The following MKRN2OS variants were observed in gnomAD, a reference collection of about 807,000 sequenced individuals.
MKRN2OS encodes MKRN2 opposite strand protein.
MKRN2OS carries 17 observed loss-of-function variants against 18.2 expected under a neutral mutation model. That is an observed-to-expected ratio of 0.93 (90% CI 0.64 to 1.40). The LOEUF is 1.40. Among genes scored for constraint, MKRN2OS ranks in the 40% most tolerant of loss-of-function variants. The pLI is 0.00. For synonymous variants in MKRN2OS, 121 were observed against 108.5 expected (o/e 1.12, Z -0.72); for missense variants, 337 against 283.0 (o/e 1.19, Z -1.37).
At chr3:12,540,567 A>G (rs548548452) in intron 3 of MKRN2OS, 134 bp from the exon 4 acceptor site, 416 of 1,021,362 alleles carry the variant, frequency 4.1e-4, no homozygotes, top group Non-Finnish European at 4.8e-4. Flanking sequence ...TTATGTGGTT[A>G]AGAAGCTTCA....
At chr3:12,543,623 C>T (rs534247475) in intron 1 of MKRN2OS, among the ~76,000 whole-genome samples, 56 of 149,192 alleles carry the variant, frequency 3.8e-4, no homozygotes, top group Non-Finnish European at 7.0e-4. Flanking sequence ...CAGTGGCTCA[C>T]GCCTGTAATC....
chr3:12,554,198 G>T (rs1002569245), intron 1 of MKRN2OS: 1 of 152,208 alleles, frequency 6.6e-6, no homozygotes, highest in Non-Finnish European at 1.5e-5. Flanking sequence ...CCCCTGCTAC[G>T]GGCAGGAGCG....
At chr3:12,543,062 C>T (rs2057837305) in intron 2 of MKRN2OS, 118 bp downstream of exon 2, 1 of 827,472 alleles carries the variant, frequency 1.2e-6, no homozygotes, top group Admixed American at 2.5e-5. Flanking sequence ...TGGTGCAGTA[C>T]AAGAACCCAG....
chr3:12,549,971 A>G (rs1406561177), upstream of MKRN2OS, among the ~76,000 whole-genome samples: 1 of 152,242 alleles, frequency 6.6e-6, no homozygotes, highest in Middle Eastern at 3.2e-3. Flanking sequence ...GATGTGGAGC[A>G]ACAGGAACTC....
chr3:12,551,829 A>G (rs557538571), downstream of MKRN2OS, among the ~76,000 whole-genome samples: 11 of 152,158 alleles, frequency 7.2e-5, no homozygotes, highest in Non-Finnish European at 1.5e-4. Flanking sequence ...CTGTAGTCCC[A>G]GCTATTCCAG....
At chr3:12,545,755 TC>T (rs1228625913), upstream of MKRN2OS, among the ~76,000 whole-genome samples, 2 of 152,220 alleles carry the variant, frequency 1.3e-5, no homozygotes, top group Non-Finnish European at 2.9e-5. Flanking sequence ...TTTGTCAGCT[TC>T]CCCCAGTCTT....
chr3:12,559,760 C>G (rs561956711), intron 1 of MKRN2OS, among the ~76,000 whole-genome samples: 24 of 152,188 alleles, frequency 1.6e-4, no homozygotes, highest in Non-Finnish European at 2.6e-4. Context: ...TCCCCTCCCC[C>G]ACAACCATCT....
chr3:12,560,996 A>C (rs1192198293), exon 1 of MKRN2OS: 1 of 152,234 alleles, frequency 6.6e-6, no homozygotes, highest in South Asian at 2.1e-4. Flanking sequence ...GACAAGCAGG[A>C]TGTGCTCTAG....
Position 12,557,225 on chromosome 3 carries a change from G to C in MKRN2OS, n.265-3091C>G, listed in dbSNP as rs775810165. ...TTCGGGCCGCTCCCCCAGGCCGCAG[G>C]GGGGCCGGTGCGCGCCAGTGCTGTG... On this transcript the variant is annotated intron_variant and non_coding_transcript_variant, in intron 1 of 1. Coordinates refer to the MKRN2OS transcript ENST00000447550. 36 of 1,521,678 alleles carry C rather than the reference G, an allele frequency of 2.4e-5. 1 individual carries two copies. The East Asian group carries it at 2.6e-4, about 11-fold the overall frequency. 94.3% of individuals were successfully genotyped at this position (1,521,678 alleles called of 1,614,324 possible).
chr3:12,550,724 T>G (rs544060535), downstream of MKRN2OS, among the ~76,000 whole-genome samples: 1 of 152,296 alleles, frequency 6.6e-6, no homozygotes, highest in Admixed American at 6.5e-5. Context: ...TCAGTCGAAT[T>G]CTTTCTTCTG....
chr3:12,549,753 A>G (rs1015174912), upstream of MKRN2OS, among the ~76,000 whole-genome samples: 11 of 152,228 alleles, frequency 7.2e-5, no homozygotes, highest in African/African-American at 2.6e-4. Context: ...GGGTCTTGTT[A>G]TGTTGCCCAG....
intron 3 of MKRN2OS, among the ~76,000 whole-genome samples, chr3:12,541,069 T>G (rs1311275705): frequency 6.6e-6 from 1 of 151,726 alleles, no homozygotes; most frequent in Non-Finnish European, 1.5e-5. Flanking sequence ...TTTTATGATA[T>G]TCCATAGTAT....
intron 1 of MKRN2OS, chr3:12,557,267 C>G (rs2057984016): frequency 2.0e-6 from 3 of 1,471,392 alleles, no homozygotes; most frequent in African/African-American, 1.5e-5. Flanking sequence ...GAACCTGAGG[C>G]TAGAGCGGGA....
At chr3:12,548,637 AATAC>A (rs547421971), upstream of MKRN2OS, among the ~76,000 whole-genome samples, 180 of 152,244 alleles carry the variant, frequency 1.2e-3, 2 homozygotes, top group Non-Finnish European at 1.2e-3. Flanking sequence ...GTCTCAAATA[AATAC>A]ATAAATAAAC....
downstream of MKRN2OS, among the ~76,000 whole-genome samples, chr3:12,551,932 A>ACT (rs1240716422): frequency 6.6e-6 from 1 of 151,836 alleles, no homozygotes; most frequent in Non-Finnish European, 1.5e-5. Flanking sequence ...ACAGAGTGAG[A>ACT]CTCTGTCTCA....
At chr3:12,544,066 A>G (rs1020945115) in intron 1 of MKRN2OS, among the ~76,000 whole-genome samples, 2 of 152,136 alleles carry the variant, frequency 1.3e-5, no homozygotes, top group African/African-American at 4.8e-5. Context: ...GATGCTGTCT[A>G]TTTAGCACCT....
upstream of MKRN2OS, among the ~76,000 whole-genome samples, chr3:12,546,807 A>G (rs956852632): frequency 2.0e-5 from 3 of 151,968 alleles, no homozygotes; most frequent in African/African-American, 7.3e-5. Context: ...CAAACTCCTG[A>G]CCTCAGGTGA....
At chr3:12,556,606 G>A (rs1446795462) in intron 1 of MKRN2OS, among the ~76,000 whole-genome samples, 1 of 152,130 alleles carries the variant, frequency 6.6e-6, no homozygotes, top group African/African-American at 2.4e-5. Context: ...TAGAGATTTG[G>A]GGAAAGAGCA....
In MKRN2OS at chr3:12,545,460, T is replaced by C; in HGVS notation, c.5A>G (p.His2Arg). Reference protein sequence around the residue: MHCAEAGKALIK... With the variant: MRCAEAGKALIK... ...TAAAGCCTTCCCAGCCTCTGCGCAGTGCATAGCTTTCGCCTCCTGGAATGC... is the reference window on the plus strand; with the variant it reads ...TAAAGCCTTCCCAGCCTCTGCGCAGCGCATAGCTTTCGCCTCCTGGAATGC... The change falls in exon 1 of 4, where the codon CAC (histidine) becomes CGC (arginine). Residue 2 changes from histidine (H) to arginine (R), a missense_variant. By Grantham distance (29) the His-to-Arg change is conservative (BLOSUM62 0). Transcript: ENST00000564146. 1 of 1,516,710 alleles carries C rather than the reference T, an allele frequency of 6.6e-7. No individual in the cohort carries two copies. The highest frequency in any genetic ancestry group is 1.2e-5 in the South Asian group (1 of 81,892). The allele number at this position is 1,516,710 out of a possible 1,614,324, so 94.0% of individuals were successfully genotyped here.
Sources: allele counts gnomAD v4.1 joint callset (sites outside exome capture counted in the v4.1 genomes callset), GRCh38; gene constraint gnomAD v4.1.1; transcripts MANE v1.5; gene names NCBI Gene and HGNC (gene_info 2026-07-23, HGNC 2026-07-21).